Variants in CES2 observed in about 807,000 individuals in gnomAD.
CES2 encodes carboxylesterase 2.
CES2 carries 42 observed loss-of-function variants against 52.1 expected under a neutral mutation model. That is an observed-to-expected ratio of 0.81 (90% confidence interval 0.63 to 1.04). CES2 has a LOEUF of 1.04. Among genes scored for constraint, CES2 ranks in the 50% least tolerant of loss-of-function variants. CES2 has a pLI of 0.00. For synonymous variants in CES2, 277 were observed against 289.6 expected (o/e 0.96, Z 0.44); for missense variants, 656 against 724.3 (o/e 0.91, Z 1.08).
chr16:66,938,499 A>C (rs1196067432), intron 2 of CES2: 1 of 539,408 alleles, frequency 1.9e-6, no homozygotes, highest in East Asian at 3.2e-5. Context: ...GGGCAGACAC[A>C]CGTATCTCCC....
At position 66,943,513 on chromosome 16, in the gene CES2, C is replaced by T. The variant is rs1363112650; in HGVS notation, c.1493+142C>T. On this transcript the variant is annotated intron_variant, in intron 11 of 11. Coordinates refer to ENST00000317091, the MANE Select transcript of CES2 (RefSeq NM_001365405.1). The surrounding 1 kb of genome is among the most constrained non-coding windows in gnomAD (Gnocchi z 4.2). ...CCCTTCCCCAGCTCCGGGACCCACTCAGACAGGGTGGGGGTGCGTGGGGCA... is the reference window on the plus strand; with the variant it reads ...CCCTTCCCCAGCTCCGGGACCCACTTAGACAGGGTGGGGGTGCGTGGGGCA... 1.1e-5 allele frequency: 9 copies of T among 852,680 alleles called. No homozygotes were observed. Among genetic ancestry groups the T allele is most frequent in the Non-Finnish European group, 1.7e-5 (9 of 535,986 alleles). 52.8% of individuals were successfully genotyped at this position (852,680 alleles called of 1,614,324 possible). A position where few individuals can be genotyped will look rare whatever the true frequency, so the allele number is the denominator to read the frequency against.
Position 66,943,972 on chromosome 16 carries a change from C to A in CES2, c.1627C>A (p.Pro543Thr). 1 of 1,599,096 alleles carries A rather than the reference C, an allele frequency of 6.3e-7. No individual in the cohort carries two copies. ...GCTCCAGTTCTGGAAGAAGGCGCTG[C>A]CCCAAAAGATCCAGGAGCTCGAGGA... is the stretch of plus-strand genomic sequence containing the variant. Reference protein sequence around the residue: ...HRLQFWKKALPQKIQELEEPE... With the variant: ...HRLQFWKKALTQKIQELEEPE... Residue 543 changes from proline (P) to threonine (T), a missense_variant, in exon 12 of 12, where the codon CCC becomes ACC. Transcript: ENST00000317091. This position sits in a 1 kb window ranked among gnomAD's most constrained non-coding sequence, Gnocchi z 4.2.
upstream of CES2, chr16:66,934,494 G>C: frequency 3.0e-6 from 4 of 1,343,296 alleles, no homozygotes; most frequent in Non-Finnish European, 2.9e-6. This position sits in a 1 kb window ranked among gnomAD's most constrained non-coding sequence, Gnocchi z 4.1. Flanking sequence ...GTGGGTTCTC[G>C]GCCTGAGGTG....
chr16:66,939,369 G>T lies in CES2; in HGVS notation c.423+11G>T. The T allele has an allele frequency of 6.2e-7, 1 of 1,613,930 alleles. No homozygotes were observed. The highest frequency in any genetic ancestry group is 2.2e-5 in the East Asian group (1 of 44,876). On this transcript the variant is annotated intron_variant, in intron 3 of 11. Transcript: ENST00000317091. ...GGCTCTAACCTGCCGGTGGGTGTCAGGCCACAGTTCACTGGGGGTTGGAGG... is the reference window on the plus strand; with the variant it reads ...GGCTCTAACCTGCCGGTGGGTGTCATGCCACAGTTCACTGGGGGTTGGAGG...
At chr16:66,934,726 T>G, upstream of CES2, 4 of 230,340 alleles carry the variant, frequency 1.7e-5, no homozygotes, top group Non-Finnish European at 2.6e-5. This position sits in a 1 kb window ranked among gnomAD's most constrained non-coding sequence, Gnocchi z 4.1. Context: ...GGAGCTCCCG[T>G]ATCCAGGACG....
intron 1 of CES2, 30 bp downstream of exon 1, chr16:66,935,741 C>T (rs1963192683): frequency 6.3e-7 from 1 of 1,598,846 alleles, no homozygotes; most frequent in East Asian, 2.2e-5. Flanking sequence ...GCGACAGGGA[C>T]CGGGCTCAGA....
At chr16:66,935,479 C>A, upstream of CES2, 1 of 1,613,472 alleles carries the variant, frequency 6.2e-7, no homozygotes, top group Middle Eastern at 1.6e-4. Flanking sequence ...CCACACCCAC[C>A]TTTCCCGGCC....
At chr16:66,937,574 A>G (rs1228456055) in intron 1 of CES2, among the ~76,000 whole-genome samples, 1 of 152,116 alleles carries the variant, frequency 6.6e-6, no homozygotes, top group African/African-American at 2.4e-5. Context: ...TGCTTTTTAT[A>G]TCCCAGCCAC....
chr16:66,941,950 A>C, intron 8 of CES2, 102 bp downstream of exon 8: 2 of 1,555,666 alleles, frequency 1.3e-6, no homozygotes, highest in Non-Finnish European at 1.8e-6. Context: ...AGTGACCCCC[A>C]TGAGCAAAGG....
At position 66,938,225 on chromosome 16, in the gene CES2, A is replaced by G. The variant is rs142873931; in HGVS notation, c.265A>G (p.Thr89Ala). 1.5e-5 allele frequency: 25 copies of G among 1,613,254 alleles called. No homozygotes were observed. In the African/African-American group the frequency reaches 2.3e-4, roughly 15 times the overall value. The change falls in exon 2 of 12, where the codon ACC becomes GCC. Residue 89 changes from threonine (T) to alanine (A), a missense_variant. Physicochemically the swap from Thr to Ala is moderately conservative, Grantham distance 58. Transcript: ENST00000317091. Reference sequence around the variant, plus strand: ...ATCTTGGAGTGGTGTGAGGGATGGAACCACCCATCCGGCCATGTAAGCTCT... The same window carrying G: ...ATCTTGGAGTGGTGTGAGGGATGGAGCCACCCATCCGGCCATGTAAGCTCT... ...PESWSGVRDG[T>A]THPAMCLQDL...
At chr16:66,937,080 G>A (rs938130777) in intron 1 of CES2, among the ~76,000 whole-genome samples, 1 of 151,600 alleles carries the variant, frequency 6.6e-6, no homozygotes, top group Admixed American at 6.6e-5. Context: ...TCAGGAGGCT[G>A]TGGCGGGAGG....
At chr16:66,935,984 G>A in intron 1 of CES2, 2 of 1,387,390 alleles carry the variant, frequency 1.4e-6, no homozygotes, top group Non-Finnish European at 1.9e-6. Context: ...CGGGTAGGCA[G>A]CCTGGGGTCG....
At chr16:66,934,572 G>T, upstream of CES2, 2 of 739,258 alleles carry the variant, frequency 2.7e-6, no homozygotes, top group South Asian at 3.9e-5. This position sits in a 1 kb window ranked among gnomAD's most constrained non-coding sequence, Gnocchi z 4.1. Flanking sequence ...GGAGCAGAAG[G>T]CGCTGAGAAG....
chr16:66,944,036 CG>C lies in CES2; in HGVS notation c.*15del. On this transcript the variant is annotated 3_prime_UTR_variant, in exon 12 of 12. Transcript: ENST00000317091. ...CACACAGAGCTGTAGCTCCCTGTGC[CG>C]GGGAGGAGGGGGTGGGTTCGCTGAC... The C allele has an allele frequency of 1.6e-6, 1 of 622,790 alleles. No individual in the cohort carries two copies. The highest frequency in any genetic ancestry group is 2.6e-6 in the Non-Finnish European group (1 of 379,500). 38.6% of individuals were successfully genotyped at this position (622,790 alleles called of 1,614,324 possible). A position where few individuals can be genotyped will look rare whatever the true frequency, so the allele number is the denominator to read the frequency against.
chr16:66,940,188 G>C lies in CES2; in HGVS notation c.424-34G>C, dbSNP rs573993430. 39 of 1,610,222 alleles carry C rather than the reference G, an allele frequency of 2.4e-5. 1 individual carries two copies. The South Asian group carries it at 4.2e-4, about 17-fold the overall frequency. ...GGCCCTGGTGGGGTTTGGGCTGGGT[G>C]GGAGCATCATGGTAGCTGCCTTGAT... is the stretch of plus-strand genomic sequence containing the variant. On this transcript the variant is annotated intron_variant, in intron 3 of 11. Coordinates refer to ENST00000317091, the MANE Select transcript of CES2 (RefSeq NM_001365405.1).
At chr16:66,939,511 G>T (rs1013258218) in intron 3 of CES2, among the ~76,000 whole-genome samples, 153 bp downstream of exon 3, 1 of 151,820 alleles carries the variant, frequency 6.6e-6, no homozygotes, top group Non-Finnish European at 1.5e-5. Flanking sequence ...ACCCAGACTG[G>T]GCAGCTGGCC....
upstream of CES2, chr16:66,934,516 G>T (rs1275391807): frequency 1.6e-6 from 2 of 1,237,644 alleles, no homozygotes; most frequent in Non-Finnish European, 2.2e-6. This position sits in a 1 kb window ranked among gnomAD's most constrained non-coding sequence, Gnocchi z 4.1. Flanking sequence ...GAGAGAAGCG[G>T]TGACCGCGGC....
In CES2 at chr16:66,943,275, C is replaced by G. The variant is rs750949399; in HGVS notation, c.1421-24C>G. The G allele has an allele frequency of 4.3e-6, 7 of 1,612,280 alleles. No homozygotes were observed. Among genetic ancestry groups the G allele is most frequent in the Non-Finnish European group, 5.9e-6 (7 of 1,178,504 alleles). On this transcript the variant is annotated intron_variant, in intron 10 of 11. Coordinates refer to ENST00000317091, the MANE Select transcript of CES2 (RefSeq NM_001365405.1). This position sits in a 1 kb window ranked among gnomAD's most constrained non-coding sequence, Gnocchi z 4.2. Reference sequence around the variant, plus strand: ...CTGAGGTTGGACATCCTGATGAAGACACATGTCCTCTTCCTCTTGGCAGTT... The same window carrying G: ...CTGAGGTTGGACATCCTGATGAAGAGACATGTCCTCTTCCTCTTGGCAGTT...
chr16:66,936,197 GC>G (rs1487374095), intron 1 of CES2, among the ~76,000 whole-genome samples: 1 of 152,190 alleles, frequency 6.6e-6, no homozygotes, highest in Non-Finnish European at 1.5e-5. Context: ...GGGAACAGAA[GC>G]CCCCAGGCGC....
Sources: allele counts gnomAD v4.1 joint callset (sites outside exome capture counted in the v4.1 genomes callset), GRCh38; gene constraint gnomAD v4.1.1; non-coding constraint Gnocchi (gnomAD v3.1); transcripts MANE v1.5; gene names NCBI Gene and HGNC (gene_info 2026-07-23, HGNC 2026-07-21).